The following ZCCHC7 variants were observed in gnomAD, a reference collection of about 807,000 sequenced individuals.
The protein encoded by ZCCHC7 is zinc finger CCHC domain-containing protein 7.
Under a neutral mutation model 52.0 loss-of-function variants are expected in ZCCHC7, and 35 were observed. That is an observed-to-expected ratio of 0.67 (90% CI 0.51 to 0.89). The LOEUF is 0.89. Ranked by LOEUF, ZCCHC7 falls within the 40% of genes least tolerant of loss-of-function variation. The pLI is 0.00. For synonymous variants in ZCCHC7, 217 were observed against 221.5 expected, an observed-to-expected ratio of 0.98 and a Z score of 0.18; for missense variants, 574 against 649.1, an observed-to-expected ratio of 0.88 and a Z score of 1.26.
intron 6 of ZCCHC7, among the ~76,000 whole-genome samples, chr9:37,340,201 A>T (rs1232026219): frequency 6.6e-5 from 10 of 152,160 alleles, no homozygotes; most frequent in Non-Finnish European, 1.2e-4. Flanking sequence ...AGACATTAGG[A>T]GTAAATCCGT....
At chr9:37,230,458 G>A (rs1308953278) in intron 2 of ZCCHC7, among the ~76,000 whole-genome samples, 1 of 152,132 alleles carries the variant, frequency 6.6e-6, no homozygotes, top group Non-Finnish European at 1.5e-5. Flanking sequence ...TGGGAAGAAA[G>A]GACATAACAG....
At chr9:37,272,833 G>A (rs927526940) in intron 2 of ZCCHC7, among the ~76,000 whole-genome samples, 13 of 152,162 alleles carry the variant, frequency 8.5e-5, no homozygotes, top group African/African-American at 2.9e-4. Flanking sequence ...ATACTGATAT[G>A]TGTAGCTGTA....
chr9:37,343,634 A>G (rs78532687), intron 6 of ZCCHC7, among the ~76,000 whole-genome samples: 7,832 of 152,208 alleles, frequency 0.051, 657 homozygotes, highest in African/African-American at 0.18. Context: ...TTTCTCAGGC[A>G]CTCAATTAGT....
intron 2 of ZCCHC7, among the ~76,000 whole-genome samples, chr9:37,141,546 T>G (rs968719076): frequency 1.3e-5 from 2 of 151,922 alleles, no homozygotes; most frequent in African/African-American, 4.8e-5. Flanking sequence ...TTATTAATCC[T>G]GAAAATTTGT....
chr9:37,342,473 A>G (rs962586461), intron 6 of ZCCHC7, among the ~76,000 whole-genome samples: 1 of 152,236 alleles, frequency 6.6e-6, no homozygotes, highest in African/African-American at 2.4e-5. Context: ...ATGTAAATCT[A>G]TACTATTAGA....
At chr9:37,210,900 A>T (rs560753064) in intron 2 of ZCCHC7, among the ~76,000 whole-genome samples, 9 of 152,302 alleles carry the variant, frequency 5.9e-5, no homozygotes, top group Admixed American at 5.9e-4. Flanking sequence ...GTCTGGTCAG[A>T]TGATTAGTCT....
chr9:37,243,563 A>G (rs1825960937), intron 2 of ZCCHC7, among the ~76,000 whole-genome samples: 2 of 151,894 alleles, frequency 1.3e-5, no homozygotes, highest in Admixed American at 1.3e-4. Flanking sequence ...ACCACTGTGC[A>G]GTATTCAAGG....
At chr9:37,257,864 T>C (rs1826666185) in intron 2 of ZCCHC7, among the ~76,000 whole-genome samples, 1 of 152,206 alleles carries the variant, frequency 6.6e-6, no homozygotes, top group Non-Finnish European at 1.5e-5. Flanking sequence ...CATGCTTCTT[T>C]TGTATATAGC....
chr9:37,300,263 C>A (rs184224072), intron 2 of ZCCHC7, among the ~76,000 whole-genome samples: 2 of 152,236 alleles, frequency 1.3e-5, no homozygotes, highest in African/African-American at 2.4e-5. Flanking sequence ...TTTTTAAGAA[C>A]AATTTTAAGT....
At chr9:37,235,495 CCTT>C (rs1373805937) in intron 2 of ZCCHC7, among the ~76,000 whole-genome samples, 74 of 143,964 alleles carry the variant, frequency 5.1e-4, no homozygotes, top group African/African-American at 1.5e-3. Flanking sequence ...TTCCTTCCTT[CCTT>C]CTTTTTCTCC....
At chr9:37,176,127 C>A (rs903565178) in intron 2 of ZCCHC7, among the ~76,000 whole-genome samples, 14 of 151,924 alleles carry the variant, frequency 9.2e-5, no homozygotes, top group Admixed American at 7.9e-4. Context: ...AGGCTGGAGT[C>A]CAGTGGCTCG....
intron 7 of ZCCHC7, among the ~76,000 whole-genome samples, chr9:37,350,429 G>T (rs985268428): frequency 6.6e-6 from 1 of 152,170 alleles, no homozygotes; most frequent in African/African-American, 2.4e-5. Flanking sequence ...ACTGCGCCCG[G>T]CCCAATTTTA....
intron 1 of ZCCHC7, among the ~76,000 whole-genome samples, chr9:37,123,222 TGTGC>T (rs901567775): frequency 2.9e-5 from 3 of 103,764 alleles, no homozygotes; most frequent in African/African-American, 9.1e-5. Flanking sequence ...TGTGTGTGTG[TGTGC>T]GTGTGCGTGT....
intron 2 of ZCCHC7, among the ~76,000 whole-genome samples, chr9:37,180,165 TA>T (rs1399708542): frequency 1.3e-5 from 2 of 152,180 alleles, no homozygotes; most frequent in Non-Finnish European, 2.9e-5. Flanking sequence ...TCTATAAATG[TA>T]ATAGACTAGA....
chr9:37,305,844 T>G, intron 5 of ZCCHC7, 130 bp downstream of exon 5: 1 of 855,958 alleles, frequency 1.2e-6, no homozygotes, highest in Non-Finnish European at 1.7e-6. Flanking sequence ...TATATATATA[T>G]ATATATAGTC....
At chr9:37,196,229 C>T (rs1010068209) in intron 2 of ZCCHC7, among the ~76,000 whole-genome samples, 11 of 152,142 alleles carry the variant, frequency 7.2e-5, no homozygotes, top group Non-Finnish European at 1.6e-4. Flanking sequence ...CTGTCCAGTA[C>T]AACAATAGGC....
intron 2 of ZCCHC7, among the ~76,000 whole-genome samples, chr9:37,216,438 G>T (rs1356850243): frequency 2.6e-5 from 4 of 152,194 alleles, no homozygotes; most frequent in Non-Finnish European, 5.9e-5. Flanking sequence ...ACTTTAGGAG[G>T]CCGAGGTGGG....
At chr9:37,122,700 G>A (rs905119120) in intron 1 of ZCCHC7, among the ~76,000 whole-genome samples, 4 of 152,258 alleles carry the variant, frequency 2.6e-5, no homozygotes, top group Admixed American at 2.6e-4. Flanking sequence ...GGCACTTTGG[G>A]AGTCCGAGTG....
chr9:37,173,607 C>T lies in ZCCHC7; in HGVS notation c.610+46665C>T, dbSNP rs866807503. ...AATACAACTATATATTTTTACAGCA[C>T]GTTTGTTTTTTTGGGGGAGATCATT... On this transcript the variant is annotated intron_variant, in intron 2 of 8. Transcript: ENST00000336755. 4.8e-4 allele frequency among the ~76,000 whole-genome samples: 73 copies of T among 152,210 alleles called. No individual in the cohort carries two copies. In the Middle Eastern group the frequency reaches 0.017, roughly 35 times the overall value.
Sources: allele counts gnomAD v4.1 joint callset (sites outside exome capture counted in the v4.1 genomes callset), GRCh38; gene constraint gnomAD v4.1.1; transcripts MANE v1.5; gene names NCBI Gene and HGNC (gene_info 2026-07-23, HGNC 2026-07-21).